RFTN1: variants seen among roughly 807,000 people sequenced by gnomAD.
The protein encoded by RFTN1 is raftlin.
Under a neutral mutation model 46.5 loss-of-function variants are expected in RFTN1, and 26 were observed. The observed-to-expected ratio is 0.56, with a 90% CI of 0.41 to 0.78. The LOEUF (loss-of-function observed/expected upper bound fraction) is 0.78, where lower values mean the gene tolerates loss of function less well. Ranked by LOEUF, RFTN1 falls within the 30% of genes least tolerant of loss-of-function variation. The pLI is 0.00. For missense variants in RFTN1, 693 were observed against 718.7 expected (o/e 0.96, Z 0.41); for synonymous variants, 261 against 284.2 (o/e 0.92, Z 0.82).
At position 16,356,623 on chromosome 3, in the gene RFTN1, A is replaced by G. The variant is rs1379629207; in HGVS notation, c.1146+1309T>C. On this transcript the variant is annotated intron_variant, in intron 7 of 9. Transcript: ENST00000334133. This position sits in a 1 kb window ranked among gnomAD's most constrained non-coding sequence, Gnocchi z 4.9. ...CCATCTCCACTTCAATAACCAGGCA[A>G]GGGACTGCCTCAAGGCTGCAGTTCT... Among the ~76,000 whole-genome samples the G allele has an allele frequency of 6.6e-6, 1 of 152,196 alleles. No individual in the cohort carries two copies. The highest frequency in any genetic ancestry group is 1.5e-5 in the Non-Finnish European group (1 of 68,038).
chr3:16,359,993 G>A (rs970845943), intron 6 of RFTN1, among the ~76,000 whole-genome samples: 2 of 151,934 alleles, frequency 1.3e-5, no homozygotes, highest in Middle Eastern at 3.2e-3. Context: ...AAGGTCATCA[G>A]CATGAGAAAA....
intron 6 of RFTN1, among the ~76,000 whole-genome samples, chr3:16,369,415 A>C (rs1384093191): frequency 6.6e-6 from 1 of 152,254 alleles, no homozygotes; most frequent in Non-Finnish European, 1.5e-5. Flanking sequence ...GTTGCCTCCC[A>C]GACTTGACAC....
chr3:16,316,836 C>T lies in RFTN1; in HGVS notation c.1729G>A (p.Glu577Lys). 1 of 1,613,938 alleles carries T rather than the reference C, an allele frequency of 6.2e-7. No individual in the cohort carries two copies. Among genetic ancestry groups the T allele is most frequent in the Non-Finnish European group, 8.5e-7 (1 of 1,179,978 alleles). Reference protein sequence around the residue: ...EEVRELGTVEEN With the variant: ...EEVRELGTVEKN The stretch of plus-strand genomic sequence containing the variant: ...CACAAATTGCCCAAGACTCAGTTTT[C>T]TTCAACCGTACCAAGCTCTCTGACT... The change falls in exon 10 of 10, where the codon GAA becomes AAA. Residue 577 changes from glutamate to lysine, a missense_variant. Physicochemically the swap from Glu to Lys is moderately conservative, Grantham distance 56 (BLOSUM62 1). Transcript: ENST00000334133. The surrounding 1 kb of genome is among the most constrained non-coding windows in gnomAD (Gnocchi z 4.5).
chr3:16,409,089 G>A (rs965459744), intron 4 of RFTN1, among the ~76,000 whole-genome samples: 4 of 152,218 alleles, frequency 2.6e-5, no homozygotes, highest in African/African-American at 9.6e-5. Context: ...ATGAGGGTTT[G>A]AAAGGAGTCC....
chr3:16,360,406 A>G (rs2072755873), intron 6 of RFTN1, among the ~76,000 whole-genome samples: 1 of 152,168 alleles, frequency 6.6e-6, no homozygotes, highest in Non-Finnish European at 1.5e-5. Flanking sequence ...CTGGACTCCC[A>G]AAGTGCTGGA....
rs2076910866 is a variant in RFTN1, at chr3:16,512,100, C to T, written c.-9+1342G>A. On this transcript the variant is annotated intron_variant, in intron 1 of 9. Transcript: ENST00000334133. This position sits in a 1 kb window ranked among gnomAD's most constrained non-coding sequence, Gnocchi z 4.3. ...GCACCAAAGAGTCCCAAACAGCTTG[C>T]TTCGTAACCCCTCTCTGGGGTTTGG... 6.6e-6 allele frequency among the ~76,000 whole-genome samples: 1 copy of T among 152,160 alleles called. No individual in the cohort carries two copies. Among genetic ancestry groups the T allele is most frequent in the Non-Finnish European group, 1.5e-5 (1 of 68,026 alleles).
At chr3:16,454,334 C>T (rs1273465734) in intron 2 of RFTN1, among the ~76,000 whole-genome samples, 1 of 152,246 alleles carries the variant, frequency 6.6e-6, no homozygotes, top group Admixed American at 6.5e-5. Flanking sequence ...AAAGTGGCAG[C>T]TGGTGAGCAC....
chr3:16,436,355 AAAAT>A (rs1380991381), intron 2 of RFTN1, among the ~76,000 whole-genome samples: 1 of 140,368 alleles, frequency 7.1e-6, no homozygotes, highest in Non-Finnish European at 1.6e-5. Context: ...CATGAAAAAA[AAAAT>A]TTTTTTTTTT....
rs1289874898 is a variant in RFTN1, at chr3:16,407,541, T to C, written c.441+1834A>G. 9.9e-5 allele frequency among the ~76,000 whole-genome samples: 15 copies of C among 152,140 alleles called. No individual in the cohort carries two copies. On this transcript the variant is annotated intron_variant, in intron 4 of 9. Coordinates refer to ENST00000334133, the MANE Select transcript of RFTN1 (RefSeq NM_015150.2). This position sits in a 1 kb window ranked among gnomAD's most constrained non-coding sequence, Gnocchi z 4.0. ...ATATTTGAGAGTGGGCAGAGCCTTA[T>C]GCCTTTCTTTTACTCACTTACCCCT...
chr3:16,357,122 A>AAC (rs992978178), intron 7 of RFTN1, among the ~76,000 whole-genome samples: 8 of 81,672 alleles, frequency 9.8e-5, no homozygotes, highest in African/African-American at 2.5e-4. Flanking sequence ...CTCAAAAAAA[A>AAC]AAAAAACAAA....
In RFTN1 at chr3:16,422,207, G is replaced by A. The variant is rs1286977159; in HGVS notation, c.332+11644C>T. Among the ~76,000 whole-genome samples the A allele has an allele frequency of 6.6e-6, 1 of 152,136 alleles. No homozygotes were observed. Among genetic ancestry groups the A allele is most frequent in the Non-Finnish European group, 1.5e-5 (1 of 68,026 alleles). On this transcript the variant is annotated intron_variant, in intron 3 of 9. Coordinates refer to ENST00000334133, the MANE Select transcript of RFTN1 (RefSeq NM_015150.2). This position sits in a 1 kb window ranked among gnomAD's most constrained non-coding sequence, Gnocchi z 4.6. ...AACATTATGTTCTTGAAAACACAAGGTGGAAATTCTTCTTAAATTAGTGTG... is the reference window on the plus strand; with the variant it reads ...AACATTATGTTCTTGAAAACACAAGATGGAAATTCTTCTTAAATTAGTGTG...
chr3:16,486,437 C>T (rs1470092383), intron 2 of RFTN1, among the ~76,000 whole-genome samples: 3 of 152,178 alleles, frequency 2.0e-5, no homozygotes, highest in Non-Finnish European at 4.4e-5. Context: ...CCCCAAAGAA[C>T]ATGCTCCAAC....
chr3:16,345,836 ACGCGCACATGTGCAT>A lies in RFTN1; in HGVS notation c.1146+12081_1146+12095del, dbSNP rs2071669105. On this transcript the variant is annotated intron_variant, in intron 7 of 9. Transcript: ENST00000334133. This position sits in a 1 kb window ranked among gnomAD's most constrained non-coding sequence, Gnocchi z 5.2. ...TGTGTGTGCGCGCGCGCGTGCGCGC[ACGCGCACATGTGCAT>A]GTGTATGTGTATAATCTCCTACTGG... is the stretch of plus-strand genomic sequence containing the variant. Among the ~76,000 whole-genome samples, 4 of 63,670 alleles carry A rather than the reference ACGCGCACATGTGCAT, an allele frequency of 6.3e-5. No individual in the cohort carries two copies. In the East Asian group the frequency reaches 1.9e-3, roughly 30 times the overall value. 41.8% of individuals were successfully genotyped at this position (63,670 alleles called of 152,430 possible). A position where few individuals can be genotyped will look rare whatever the true frequency, so the allele number is the denominator to read the frequency against.
rs930279622 is a variant in RFTN1, at chr3:16,407,921, T to A, written c.441+1454A>T. ...TCCTGGTCTATGGGCCATAGACCCA[T>A]ACATGAGCGGCTACTCCCAGAGTCC... On this transcript the variant is annotated intron_variant, in intron 4 of 9. Transcript: ENST00000334133. This position sits in a 1 kb window ranked among gnomAD's most constrained non-coding sequence, Gnocchi z 4.0. Among the ~76,000 whole-genome samples the A allele has an allele frequency of 6.6e-6, 1 of 152,120 alleles. No individual in the cohort carries two copies. Among genetic ancestry groups the A allele is most frequent in the African/African-American group, 2.4e-5 (1 of 41,416 alleles).
At chr3:16,436,794 A>T (rs1490588054) in intron 2 of RFTN1, among the ~76,000 whole-genome samples, 1 of 152,224 alleles carries the variant, frequency 6.6e-6, no homozygotes, top group Non-Finnish European at 1.5e-5. Context: ...TTTGTATAAA[A>T]CACTACTTCA....
At chr3:16,403,717 AAT>A (rs1164580048) in intron 4 of RFTN1, among the ~76,000 whole-genome samples, 4 of 25,738 alleles carry the variant, frequency 1.6e-4, no homozygotes, top group East Asian at 1.9e-3. Flanking sequence ...TATAATATAT[AAT>A]ATATATATTA....
rs2075296407 is a variant in RFTN1 at position 16,426,693 on chromosome 3, GT to G, written c.332+7157del. On this transcript the variant is annotated intron_variant, in intron 3 of 9. Transcript: ENST00000334133. The surrounding 1 kb of genome is among the most constrained non-coding windows in gnomAD (Gnocchi z 5.9). ...TGTGTGTGTGTGTGTGTGTGTGTGT[GT>G]GTGTCTGTTCCATTACTTGAGGTCT... 1.3e-5 allele frequency among the ~76,000 whole-genome samples: 2 copies of G among 151,654 alleles called. No homozygotes were observed. Among genetic ancestry groups the G allele is most frequent in the Non-Finnish European group, 2.9e-5 (2 of 67,866 alleles).
chr3:16,319,542 T>C (rs189184897), intron 9 of RFTN1, among the ~76,000 whole-genome samples: 2 of 152,340 alleles, frequency 1.3e-5, no homozygotes, highest in Non-Finnish European at 2.9e-5. Flanking sequence ...AGTGTACAAC[T>C]GAGGACAATT....
chr3:16,462,214 G>C (rs574444759), intron 2 of RFTN1, among the ~76,000 whole-genome samples: 1 of 152,350 alleles, frequency 6.6e-6, no homozygotes, highest in South Asian at 2.1e-4. Flanking sequence ...CTGATTTATA[G>C]AGTCAGAACA....
Sources: allele counts gnomAD v4.1 joint callset (sites outside exome capture counted in the v4.1 genomes callset), GRCh38; gene constraint gnomAD v4.1.1; non-coding constraint Gnocchi (gnomAD v3.1); transcripts MANE v1.5; gene names NCBI Gene and HGNC (gene_info 2026-07-23, HGNC 2026-07-21).